SLC41A2: variants seen among roughly 807,000 people sequenced by gnomAD.
The protein encoded by SLC41A2 is SLC41A1-like 1.
SLC41A2 carries 32 observed loss-of-function variants against 58.3 expected under a neutral mutation model. The ratio of observed to expected loss-of-function variants is 0.55; its 90% CI spans 0.41 to 0.74. The LOEUF (loss-of-function observed/expected upper bound fraction) is 0.74, where lower values mean the gene tolerates loss of function less well. Ranked by LOEUF, SLC41A2 falls within the 30% of genes least tolerant of loss-of-function variation. The pLI is 0.00. For synonymous variants in SLC41A2, 190 were observed against 235.0 expected, an observed-to-expected ratio of 0.81 and a Z score of 1.75; for missense variants, 514 against 680.6, an observed-to-expected ratio of 0.76 and a Z score of 2.72.
chr12:104,832,706 A>T (rs1427096384), intron 10 of SLC41A2, among the ~76,000 whole-genome samples: 1 of 152,156 alleles, frequency 6.6e-6, no homozygotes, highest in Non-Finnish European at 1.5e-5. Flanking sequence ...ACCTGAACTA[A>T]CATTACAGAT....
intron 8 of SLC41A2, among the ~76,000 whole-genome samples, chr12:104,848,896 CCA>C (rs3039361): frequency 1.7e-3 from 245 of 146,760 alleles, no homozygotes; most frequent in African/African-American, 2.0e-3. Flanking sequence ...AACTTGATAA[CCA>C]CACACACACA....
At chr12:104,908,436 C>T (rs1196190591) in intron 3 of SLC41A2, among the ~76,000 whole-genome samples, 1 of 152,158 alleles carries the variant, frequency 6.6e-6, no homozygotes, top group African/African-American at 2.4e-5. Context: ...ATCAACAGCA[C>T]AGTTGTTCAG....
At chr12:104,883,593 T>C (rs890543036) in intron 6 of SLC41A2, among the ~76,000 whole-genome samples, 3 of 152,242 alleles carry the variant, frequency 2.0e-5, no homozygotes, top group African/African-American at 7.2e-5. Context: ...TGCAGGTCTG[T>C]TGGAGTTTGC....
In SLC41A2 at chr12:104,804,843, T is replaced by C. The variant is rs2040834674; in HGVS notation, c.*309A>G. ...TTAATAATAAAGTACATTTCTGCTATGTTTGTGGTTTTAAAATTATTCACT... is the reference window on the plus strand; with the variant it reads ...TTAATAATAAAGTACATTTCTGCTACGTTTGTGGTTTTAAAATTATTCACT... On this transcript the variant is annotated 3_prime_UTR_variant, in exon 11 of 11. Transcript: ENST00000258538. 1 of 181,232 alleles carries C rather than the reference T, an allele frequency of 5.5e-6. No homozygotes were observed. 11.2% of individuals were successfully genotyped at this position (181,232 alleles called of 1,614,324 possible). A position where few individuals can be genotyped will look rare whatever the true frequency, so the allele number is the denominator to read the frequency against.
At chr12:104,893,037 A>G (rs2045094018) in intron 4 of SLC41A2, among the ~76,000 whole-genome samples, 1 of 152,236 alleles carries the variant, frequency 6.6e-6, no homozygotes, top group Admixed American at 6.5e-5. Context: ...TGCACAGCAA[A>G]GGAAACAATC....
intron 2 of SLC41A2, among the ~76,000 whole-genome samples, chr12:104,914,313 A>C (rs1486201281): frequency 2.6e-5 from 4 of 152,108 alleles, no homozygotes; most frequent in Non-Finnish European, 2.9e-5. Flanking sequence ...ATTTAATGTC[A>C]TTTTTTACAA....
chr12:104,922,664 T>G (rs990783516), intron 2 of SLC41A2, among the ~76,000 whole-genome samples: 3 of 152,106 alleles, frequency 2.0e-5, no homozygotes, highest in African/African-American at 7.2e-5. Context: ...AAACCACACA[T>G]TAGACCAAAC....
chr12:104,816,166 C>A, intron 10 of SLC41A2, among the ~76,000 whole-genome samples: 1 of 151,986 alleles, frequency 6.6e-6, no homozygotes, highest in African/African-American at 2.4e-5. Flanking sequence ...TGACTGGGGG[C>A]AGCCAGAAAG....
chr12:104,813,656 G>GAT (rs1267481826), intron 10 of SLC41A2, among the ~76,000 whole-genome samples: 1 of 152,114 alleles, frequency 6.6e-6, no homozygotes, highest in African/African-American at 2.4e-5. Context: ...TTTTGTTTGA[G>GAT]ATAGAGTCTC....
At chr12:104,887,591 C>G (rs184286196) in intron 5 of SLC41A2, among the ~76,000 whole-genome samples, 118 of 151,928 alleles carry the variant, frequency 7.8e-4, no homozygotes, top group African/African-American at 2.7e-3. Flanking sequence ...ATACATTATG[C>G]AATAATCAGG....
In SLC41A2 at chr12:104,860,285, G is replaced by A. The variant is rs1175880672; in HGVS notation, c.1255+1006C>T. On this transcript the variant is annotated intron_variant, in intron 8 of 10. Coordinates refer to ENST00000258538, the MANE Select transcript of SLC41A2 (RefSeq NM_001352171.3). ...ATTAGGACAAATAACTCATGCATGC[G>A]GGGCTTAAAAACTAGATGATGGGTT... Among the ~76,000 whole-genome samples the A allele has an allele frequency of 3.3e-5, 5 of 151,628 alleles. No homozygotes were observed. In the South Asian group the frequency reaches 6.3e-4, roughly 19 times the overall value.
Position 104,866,577 on chromosome 12 carries a change from T to C in SLC41A2, c.1030A>G (p.Thr344Ala). 6.7e-7 allele frequency: 1 copy of C among 1,490,136 alleles called. No individual in the cohort carries two copies. The allele number at this position is 1,490,136 out of a possible 1,614,324, so 92.3% of individuals were successfully genotyped here. Residue 344 changes from threonine (T) to alanine (A), a missense_variant and splice_region_variant, in exon 7 of 11, where the codon ACC (threonine) becomes GCC (alanine). This residue lies in a region of SLC41A2 where 336 missense variants were observed against 430.0 expected (regional missense o/e 0.78). Coordinates refer to ENST00000258538, the MANE Select transcript of SLC41A2 (RefSeq NM_001352171.3). ...ISQGLYSCLETYYYISPLVGV... is the reference protein window; with the variant it reads ...ISQGLYSCLEAYYYISPLVGV... ...ACTAATGGAGAAATGTAGTAATAGG[T>C]CTCTAAAATTAAAAAAAAAAAAAAA... is the stretch of plus-strand genomic sequence containing the variant.
At chr12:104,915,845 G>C (rs551075705) in intron 2 of SLC41A2, among the ~76,000 whole-genome samples, 32 of 152,250 alleles carry the variant, frequency 2.1e-4, no homozygotes, top group South Asian at 1.0e-3. Flanking sequence ...CCTGTCTTGT[G>C]ACACTTTTCA....
chr12:104,923,056 A>G (rs1364335802), intron 2 of SLC41A2, among the ~76,000 whole-genome samples: 1 of 151,780 alleles, frequency 6.6e-6, no homozygotes, highest in Non-Finnish European at 1.5e-5. Flanking sequence ...AGTTTATAAC[A>G]ATAAATACTA....
At chr12:104,864,653 T>A (rs1291795515) in intron 7 of SLC41A2, among the ~76,000 whole-genome samples, 1 of 152,152 alleles carries the variant, frequency 6.6e-6, no homozygotes, top group African/African-American at 2.4e-5. Context: ...CCTCCTATTG[T>A]CTATCTCTTT....
At chr12:104,842,191 A>G (rs1377491911) in intron 10 of SLC41A2, among the ~76,000 whole-genome samples, 1 of 152,050 alleles carries the variant, frequency 6.6e-6, no homozygotes, top group Non-Finnish European at 1.5e-5. Flanking sequence ...CAGGTGGGGA[A>G]GGTCAAGATC....
intron 10 of SLC41A2, among the ~76,000 whole-genome samples, chr12:104,809,245 G>A (rs1400515609): frequency 6.6e-6 from 1 of 152,228 alleles, no homozygotes; most frequent in Non-Finnish European, 1.5e-5. Context: ...CCCCTGGTAT[G>A]TGCAGGAGGA....
chr12:104,934,140 C>G (rs1011123365), intron 1 of SLC41A2, among the ~76,000 whole-genome samples: 4 of 151,768 alleles, frequency 2.6e-5, no homozygotes, highest in African/African-American at 9.7e-5. Context: ...AAATTTAAAT[C>G]ATTTGTTCTA....
chr12:104,855,332 G>C (rs558135281), intron 8 of SLC41A2, among the ~76,000 whole-genome samples: 6 of 152,154 alleles, frequency 3.9e-5, no homozygotes, highest in Admixed American at 1.3e-4. Flanking sequence ...CTTTAGATTT[G>C]TAGTGCCCTC....
Sources: gnomAD v4.1 joint callset for allele counts (sites outside exome capture counted in the v4.1 genomes callset) on GRCh38, gnomAD v4.1.1 for gene constraint, gnomAD v4.1.1 regional missense constraint, MANE v1.5 for transcripts, NCBI Gene and HGNC (gene_info 2026-07-23, HGNC 2026-07-21) for gene names.